Variants in SORCS3 observed in about 807,000 individuals in gnomAD.
SORCS3 encodes VPS10 domain-containing receptor SorCS3.
SORCS3 carries 57 observed loss-of-function variants against 146.3 expected under a neutral mutation model. The ratio of observed to expected loss-of-function variants is 0.39; its 90% CI spans 0.31 to 0.49. The LOEUF (loss-of-function observed/expected upper bound fraction) is 0.49. Ranked by LOEUF, SORCS3 falls within the 20% of genes least tolerant of loss-of-function variation. The probability of loss-of-function intolerance (pLI) is 0.92; values close to 1 mark genes in which losing one functional copy is unlikely to be tolerated. For synonymous variants in SORCS3, 653 were observed against 618.5 expected (o/e 1.06, Z -0.83); for missense variants, 1,341 against 1,575.5 (o/e 0.85, Z 2.52).
chr10:105,110,474 A>G (rs1033021642), intron 7 of SORCS3, among the ~76,000 whole-genome samples: 4 of 151,728 alleles, frequency 2.6e-5, no homozygotes, highest in African/African-American at 7.3e-5. Context: ...ATGTTTAACT[A>G]TTGCTTATTT....
intron 4 of SORCS3, among the ~76,000 whole-genome samples, chr10:104,996,672 T>C (rs1262902540): frequency 1.3e-5 from 2 of 152,186 alleles, no homozygotes; most frequent in Non-Finnish European, 1.5e-5. Flanking sequence ...TGGTCATTTG[T>C]GACTGAGTAC....
intron 1 of SORCS3, among the ~76,000 whole-genome samples, chr10:104,736,237 C>T (rs2016769881): frequency 6.6e-6 from 1 of 152,164 alleles, no homozygotes; most frequent in Admixed American, 6.5e-5. Context: ...GTTGTTTGCC[C>T]TCCGTGAGAC....
chr10:104,642,022 G>GGGGGGGGGGGGGGGGGGGGGGCCC, intron 1 of SORCS3, 68 bp downstream of exon 1: 2 of 173,336 alleles, frequency 1.2e-5, no homozygotes, highest in East Asian at 1.5e-4. Context: ...GGGTGGGTGG[G>GGGGGGGGGGGGGGGGGGGGGGCCC]AGCGAGGGAC....
chr10:104,952,756 C>A (rs1208984420), intron 3 of SORCS3, among the ~76,000 whole-genome samples: 1 of 152,108 alleles, frequency 6.6e-6, no homozygotes, highest in Admixed American at 6.6e-5. Flanking sequence ...TTTGATGTCA[C>A]CTTAAGCTAG....
chr10:104,676,560 G>T lies in SORCS3; in HGVS notation c.627+34606G>T, dbSNP rs566479066. On this transcript the variant is annotated intron_variant, in intron 1 of 26. Transcript: ENST00000369701. ...TTTTGGGGTGCCTCCTATGTTCCAG[G>T]TGCTCTGAGAGCCAAGTTAACTTGT... Among the ~76,000 whole-genome samples the T allele has an allele frequency of 1.2e-4, 19 of 152,296 alleles. No individual in the cohort carries two copies. In the East Asian group the frequency reaches 3.5e-3, roughly 28 times the overall value.
intron 2 of SORCS3, among the ~76,000 whole-genome samples, chr10:104,887,961 G>GA (rs1564706313): frequency 6.3e-5 from 8 of 126,858 alleles, no homozygotes; most frequent in Non-Finnish European, 1.1e-4. Context: ...GGTGGGGGCG[G>GA]GGGGGCGGGG....
chr10:104,834,184 C>T (rs995397403), intron 1 of SORCS3, among the ~76,000 whole-genome samples: 1 of 152,164 alleles, frequency 6.6e-6, no homozygotes, highest in Non-Finnish European at 1.5e-5. Context: ...CACTCTCGTC[C>T]CCTCACTGCC....
intron 1 of SORCS3, among the ~76,000 whole-genome samples, chr10:104,656,555 G>C (rs1053896907): frequency 6.6e-6 from 1 of 151,908 alleles, no homozygotes; most frequent in African/African-American, 2.4e-5. Flanking sequence ...CTACTCAGGT[G>C]GCTGAGGCTG....
chr10:105,042,423 G>T (rs545499181), intron 4 of SORCS3, among the ~76,000 whole-genome samples: 2 of 152,266 alleles, frequency 1.3e-5, no homozygotes, highest in South Asian at 4.1e-4. Flanking sequence ...GTTAGAATCA[G>T]ATGTTTTACT....
chr10:104,682,848 G>A (rs1422089033), intron 1 of SORCS3, among the ~76,000 whole-genome samples: 1 of 152,222 alleles, frequency 6.6e-6, no homozygotes, highest in African/African-American at 2.4e-5. Context: ...GGCTCCTGAA[G>A]CAAACCATGA....
intron 1 of SORCS3, among the ~76,000 whole-genome samples, chr10:104,661,676 G>A (rs1327828264): frequency 1.4e-5 from 2 of 142,048 alleles, no homozygotes; most frequent in East Asian, 3.9e-4. Flanking sequence ...TGGGAATATA[G>A]ATAGATAGAT....
chr10:104,834,799 C>T (rs1384106330), intron 1 of SORCS3, among the ~76,000 whole-genome samples: 9 of 151,708 alleles, frequency 5.9e-5, no homozygotes, highest in Non-Finnish European at 1.0e-4. Context: ...AGGAAGCATG[C>T]TATACATATT....
intron 20 of SORCS3, among the ~76,000 whole-genome samples, chr10:105,229,723 G>C (rs930553498): frequency 6.6e-6 from 1 of 152,158 alleles, no homozygotes; most frequent in Admixed American, 6.5e-5. Flanking sequence ...GGTGGGCCAG[G>C]GTCTGGGGTC....
intron 3 of SORCS3, among the ~76,000 whole-genome samples, chr10:104,952,725 C>A (rs1030649399): frequency 2.0e-5 from 3 of 152,162 alleles, no homozygotes; most frequent in African/African-American, 7.2e-5. Flanking sequence ...CACACACAGA[C>A]AACAAATGTT....
At chr10:105,250,056 CTGGTAGA>C (rs1448334324) in intron 22 of SORCS3, among the ~76,000 whole-genome samples, 1 of 152,078 alleles carries the variant, frequency 6.6e-6, no homozygotes, top group African/African-American at 2.4e-5. Context: ...GATCAAGATG[CTGGTAGA>C]TTTGATGTCT....
chr10:104,835,062 C>A (rs2018050371), intron 1 of SORCS3, among the ~76,000 whole-genome samples: 3 of 152,100 alleles, frequency 2.0e-5, no homozygotes, highest in Admixed American at 2.0e-4. Flanking sequence ...GTCTTCCCAA[C>A]TAGATTGTAA....
chr10:105,214,659 C>G, intron 18 of SORCS3, 46 bp downstream of exon 18: 1 of 1,487,752 alleles, frequency 6.7e-7, no homozygotes, highest in Non-Finnish European at 9.0e-7. Context: ...CCAACCAGAC[C>G]ATTCCCAGAA....
intron 1 of SORCS3, among the ~76,000 whole-genome samples, chr10:104,729,178 G>T (rs2016677835): frequency 6.6e-6 from 1 of 152,158 alleles, no homozygotes; most frequent in African/African-American, 2.4e-5. Context: ...TAGTCACTAG[G>T]AATCATCATG....
At chr10:104,722,355 T>C (rs2133445963) in intron 1 of SORCS3, among the ~76,000 whole-genome samples, 1 of 152,344 alleles carries the variant, frequency 6.6e-6, no homozygotes, top group East Asian at 1.9e-4. Context: ...ATAAGCTTTT[T>C]GATGTGCTGC....
Sources: gnomAD v4.1 joint callset for allele counts (sites outside exome capture counted in the v4.1 genomes callset) on GRCh38, gnomAD v4.1.1 for gene constraint, MANE v1.5 for transcripts, NCBI Gene and HGNC (gene_info 2026-07-23, HGNC 2026-07-21) for gene names.